The following PEPD variants were observed in gnomAD, a reference collection of about 807,000 sequenced individuals.
PEPD encodes the protein xaa-Pro dipeptidase.
A neutral mutation model predicts 60.7 loss-of-function variants in PEPD; 53 were observed. The ratio of observed to expected loss-of-function variants is 0.87; its 90% CI spans 0.70 to 1.10. PEPD has a LOEUF of 1.10. PEPD is among the 50% of genes least tolerant of loss of function. PEPD has a pLI of 0.00. For missense variants in PEPD, 711 were observed against 711.9 expected (o/e 1.00, Z 0.01); for synonymous variants, 267 against 284.1 (o/e 0.94, Z 0.60).
Position 33,391,492 on chromosome 19 carries a change from G to A in PEPD, c.968-13C>T. ...GGCCACCAGACACCTGTGGGCCAGAGGGAGCTGCCGTGAGCCACAGAGCCC... is the reference window on the plus strand; with the variant it reads ...GGCCACCAGACACCTGTGGGCCAGAAGGAGCTGCCGTGAGCCACAGAGCCC... On this transcript the variant is annotated splice_polypyrimidine_tract_variant and intron_variant, in intron 12 of 14. Coordinates refer to ENST00000244137, the MANE Select transcript of PEPD (RefSeq NM_000285.4). 6.5e-7 allele frequency: 1 copy of A among 1,548,184 alleles called. No homozygotes were observed.
rs148871204 is a variant in PEPD at position 33,463,753 on chromosome 19, C to T, written c.624+234G>A. ...ATAATTTCCTGAGGATTAGTGTCCACGACTGCATGATGGGCAGGTGCCCTA... is the reference window on the plus strand; with the variant it reads ...ATAATTTCCTGAGGATTAGTGTCCATGACTGCATGATGGGCAGGTGCCCTA... On this transcript the variant is annotated intron_variant, in intron 8 of 14. Coordinates refer to ENST00000244137, the MANE Select transcript of PEPD (RefSeq NM_000285.4). 1.6e-4 allele frequency among the ~76,000 whole-genome samples: 24 copies of T among 152,334 alleles called. No individual in the cohort carries two copies. The East Asian group carries it at 4.1e-3, about 26-fold the overall frequency.
Position 33,493,340 on chromosome 19 carries a change from A to G in PEPD, c.394-3T>C. 1.2e-6 allele frequency: 2 copies of G among 1,612,430 alleles called. No individual in the cohort carries two copies. The highest frequency in any genetic ancestry group is 3.3e-4 in the Middle Eastern group (2 of 6,054). On this transcript the variant is annotated splice_region_variant and splice_polypyrimidine_tract_variant and intron_variant, in intron 4 of 14. Coordinates refer to ENST00000244137, the MANE Select transcript of PEPD (RefSeq NM_000285.4). ...TGTGACGTCAGGACGCTGGCAATCT[A>G]GAAGGTCGGAAAGAAAAACCCACTT... is the stretch of plus-strand genomic sequence containing the variant.
At chr19:33,416,166 GC>G (rs999550162) in intron 9 of PEPD, among the ~76,000 whole-genome samples, 3 of 152,210 alleles carry the variant, frequency 2.0e-5, no homozygotes, top group African/African-American at 4.8e-5. Context: ...CGCAACGTGT[GC>G]CCCCGCACAG....
chr19:33,500,199 C>T (rs1321962824), intron 4 of PEPD, among the ~76,000 whole-genome samples: 5 of 152,222 alleles, frequency 3.3e-5, no homozygotes, highest in Non-Finnish European at 5.9e-5. Flanking sequence ...CTGCACAGGA[C>T]GTGGGGTTGT....
At chr19:33,489,804 G>A (rs1219892294) in intron 6 of PEPD, among the ~76,000 whole-genome samples, 192 bp downstream of exon 6, 1 of 152,016 alleles carries the variant, frequency 6.6e-6, no homozygotes, top group Non-Finnish European at 1.5e-5. Context: ...ACAGACACGG[G>A]GCACCTTTCC....
intron 14 of PEPD, 136 bp from the exon 15 acceptor site, chr19:33,387,617 C>G (rs1600069835): frequency 8.6e-7 from 1 of 1,157,758 alleles, no homozygotes; most frequent in East Asian, 2.5e-5. Flanking sequence ...GGCCTCCGGG[C>G]TCCTTCATGG....
chr19:33,503,659 T>G (rs967065443), intron 3 of PEPD, among the ~76,000 whole-genome samples: 2 of 152,144 alleles, frequency 1.3e-5, no homozygotes, highest in African/African-American at 4.8e-5. Flanking sequence ...GGCAGGGCCA[T>G]CAGCGAAATG....
chr19:33,440,551 T>C (rs1969463306), intron 9 of PEPD, among the ~76,000 whole-genome samples: 1 of 152,026 alleles, frequency 6.6e-6, no homozygotes, highest in Admixed American at 6.6e-5. Flanking sequence ...TGCCCGAGTC[T>C]CCTGGCTGTT....
intron 11 of PEPD, among the ~76,000 whole-genome samples, chr19:33,410,009 C>T (rs554998932): frequency 2.0e-4 from 30 of 152,362 alleles, no homozygotes; most frequent in African/African-American, 6.7e-4. Flanking sequence ...CTCCCAGCCC[C>T]GAGCACGGTG....
chr19:33,520,051 CA>C (rs1416200960), intron 1 of PEPD, among the ~76,000 whole-genome samples: 3 of 145,850 alleles, frequency 2.1e-5, no homozygotes, highest in South Asian at 4.4e-4. Context: ...GCAACAAGAG[CA>C]AAACTACGTC....
chr19:33,492,496 C>A (rs552149449), intron 5 of PEPD, among the ~76,000 whole-genome samples: 78 of 152,328 alleles, frequency 5.1e-4, no homozygotes, highest in Middle Eastern at 3.4e-3. Context: ...CATCAGGATA[C>A]ATGAGCTATC....
At chr19:33,521,341 T>C (rs1226146897) in intron 1 of PEPD, among the ~76,000 whole-genome samples, 1 of 152,220 alleles carries the variant, frequency 6.6e-6, no homozygotes, top group Non-Finnish European at 1.5e-5. Flanking sequence ...GGAAGTGCCC[T>C]GCTGGGAAAA....
chr19:33,399,121 T>C (rs1432933558), intron 12 of PEPD, among the ~76,000 whole-genome samples: 1 of 152,168 alleles, frequency 6.6e-6, no homozygotes, highest in Non-Finnish European at 1.5e-5. Context: ...CCCGAGTAGC[T>C]GGGATTACAG....
At chr19:33,420,207 C>CA (rs5827850) in intron 9 of PEPD, among the ~76,000 whole-genome samples, 152,269 of 152,270 alleles carry the variant, frequency 1, 76,134 homozygotes, top group Middle Eastern at 1. Context: ...TCTCCGTCCC[C>CA]AAGCCTGGCT....
At chr19:33,449,413 A>G (rs538227362) in intron 9 of PEPD, among the ~76,000 whole-genome samples, 185 of 152,312 alleles carry the variant, frequency 1.2e-3, no homozygotes, top group Middle Eastern at 3.4e-3. Context: ...GGAAACCTAA[A>G]AAGATCCACC....
At chr19:33,514,276 G>A (rs982900864) in intron 1 of PEPD, among the ~76,000 whole-genome samples, 7 of 152,042 alleles carry the variant, frequency 4.6e-5, no homozygotes, top group Admixed American at 2.0e-4. Flanking sequence ...AGCTCTGCCT[G>A]GGGACTGCAG....
chr19:33,402,305 G>C (rs954877912), intron 11 of PEPD, among the ~76,000 whole-genome samples: 1 of 152,220 alleles, frequency 6.6e-6, no homozygotes, highest in African/African-American at 2.4e-5. Flanking sequence ...AGGTCTCCCT[G>C]CACCCAGCAC....
intron 11 of PEPD, among the ~76,000 whole-genome samples, chr19:33,411,458 C>T (rs1248879107): frequency 6.6e-6 from 1 of 152,222 alleles, no homozygotes; most frequent in Non-Finnish European, 1.5e-5. Context: ...CCCTCTCTCT[C>T]AGTGCTCCCT....
Position 33,387,189 on chromosome 19 carries a change from C to T in PEPD, c.*155G>A, listed in dbSNP as rs565481482. On this transcript the variant is annotated 3_prime_UTR_variant, in exon 15 of 15. Coordinates refer to ENST00000244137, the MANE Select transcript of PEPD (RefSeq NM_000285.4). ...GGTAATTAAAAAAGTGTTTCCTCCC[C>T]GGGAAACAGCACTGTTTGGTCTGAT... 9.1e-5 allele frequency: 76 copies of T among 831,666 alleles called. No individual in the cohort carries two copies. Among genetic ancestry groups the T allele is most frequent in the Admixed American group, 1.6e-4 (7 of 43,692 alleles). 51.5% of individuals were successfully genotyped at this position (831,666 alleles called of 1,614,324 possible). A position where few individuals can be genotyped will look rare whatever the true frequency, so the allele number is the denominator to read the frequency against.
Sources: gnomAD v4.1 joint callset for allele counts (sites outside exome capture counted in the v4.1 genomes callset) on GRCh38, gnomAD v4.1.1 for gene constraint, MANE v1.5 for transcripts, NCBI Gene and HGNC (gene_info 2026-07-23, HGNC 2026-07-21) for gene names.